The following DCDC2 variants were observed in gnomAD, a reference collection of about 807,000 sequenced individuals.
The protein encoded by DCDC2 is doublecortin domain containing 2, also known as doublecortin domain-containing protein 2.
Under a neutral mutation model 50.2 loss-of-function variants are expected in DCDC2, and 40 were observed. The observed-to-expected ratio is 0.80, with a 90% CI of 0.62 to 1.04. DCDC2 has a LOEUF of 1.04. Ranked by LOEUF, DCDC2 falls within the 50% of genes least tolerant of loss-of-function variation. The probability of loss-of-function intolerance (pLI) is 0.00; values close to 1 mark genes in which losing one functional copy is unlikely to be tolerated. For missense variants in DCDC2, 570 were observed against 581.9 expected (o/e 0.98, Z 0.21); for synonymous variants, 234 against 210.6 (o/e 1.11, Z -0.96).
At chr6:24,354,699 C>G (rs1581667943) in intron 1 of DCDC2, among the ~76,000 whole-genome samples, 1 of 151,994 alleles carries the variant, frequency 6.6e-6, no homozygotes, top group Non-Finnish European at 1.5e-5. Flanking sequence ...TTCAGATCCA[C>G]AAGATTAATG....
At chr6:24,236,680 A>G (rs1451852132) in intron 7 of DCDC2, among the ~76,000 whole-genome samples, 1 of 152,156 alleles carries the variant, frequency 6.6e-6, no homozygotes, top group Non-Finnish European at 1.5e-5. Flanking sequence ...AAGGAACTTA[A>G]ATCAACAAGA....
chr6:24,208,748 C>T lies in DCDC2; in HGVS notation c.923-3646G>A, dbSNP rs1002377606. The stretch of plus-strand genomic sequence containing the variant: ...CTTTAATCAATTTCTTTTACCAATT[C>T]TGCCCCCTTCCCTGCTAGACCACAA... On this transcript the variant is annotated intron_variant, in intron 7 of 9. Transcript: ENST00000378454. Among the ~76,000 whole-genome samples the T allele has an allele frequency of 6.6e-5, 10 of 152,300 alleles. No individual in the cohort carries two copies. In the South Asian group the frequency reaches 8.3e-4, roughly 13 times the overall value.
At chr6:24,288,747 A>C in intron 6 of DCDC2, 105 bp downstream of exon 6, 1 of 982,816 alleles carries the variant, frequency 1.0e-6, no homozygotes, top group South Asian at 1.4e-5. Flanking sequence ...TACACCACGA[A>C]GCGGCTAAGT....
rs145258935 is a variant in DCDC2 at position 24,257,958 on chromosome 6, T to C, written c.922+20091A>G. Among the ~76,000 whole-genome samples the C allele has an allele frequency of 3.5e-4, 53 of 152,150 alleles. 1 individual carries two copies. Among genetic ancestry groups the C allele is most frequent in the Middle Eastern group, 3.4e-3 (1 of 294 alleles). ...CTGATTGAGTGTGAAGAATGAGGCA[T>C]GGAAAAATCTAGGATGACTCTAAAG... On this transcript the variant is annotated intron_variant, in intron 7 of 9. Coordinates refer to ENST00000378454, the MANE Select transcript of DCDC2 (RefSeq NM_016356.5).
intron 2 of DCDC2, among the ~76,000 whole-genome samples, chr6:24,352,135 G>A (rs793722): frequency 0.56 from 85,404 of 151,952 alleles, 25,806 homozygotes; most frequent in East Asian, 0.8. Context: ...AAGTATATTC[G>A]ATAAATCTAT....
intron 7 of DCDC2, among the ~76,000 whole-genome samples, chr6:24,248,016 C>G (rs568715907): frequency 2.1e-4 from 32 of 152,276 alleles, no homozygotes; most frequent in East Asian, 5.8e-4. Flanking sequence ...GCAGAAGTTG[C>G]AGTGAGCCAA....
intron 2 of DCDC2, among the ~76,000 whole-genome samples, chr6:24,312,709 T>C (rs1700703627): frequency 1.3e-5 from 2 of 152,184 alleles, no homozygotes; most frequent in South Asian, 4.1e-4. Context: ...CTTATTCAGA[T>C]GGCTATTTTC....
At chr6:24,352,412 A>G (rs146354158) in intron 2 of DCDC2, among the ~76,000 whole-genome samples, 11 of 152,284 alleles carry the variant, frequency 7.2e-5, no homozygotes, top group South Asian at 4.1e-4. Context: ...GTCATTCTTT[A>G]GCTATATCAT....
intron 6 of DCDC2, among the ~76,000 whole-genome samples, chr6:24,286,244 T>C (rs1763606967): frequency 6.6e-6 from 1 of 152,110 alleles, no homozygotes; most frequent in Non-Finnish European, 1.5e-5. Flanking sequence ...GGTGATGAAG[T>C]ACCACAGTGA....
In DCDC2 at chr6:24,224,109, C is replaced by T. The variant is rs74813275; in HGVS notation, c.923-19007G>A. On this transcript the variant is annotated intron_variant, in intron 7 of 9. Coordinates refer to ENST00000378454, the MANE Select transcript of DCDC2 (RefSeq NM_016356.5). ...AGATTCAGGAAAGTTTTCTCCCTGA[C>T]AGTCAGAGGTGGTGTAAAACTGGCA... Among the ~76,000 whole-genome samples, 563 of 152,284 alleles carry T rather than the reference C, an allele frequency of 3.7e-3. 2 individuals are homozygous for T. The highest frequency in any genetic ancestry group is 0.01 in the Middle Eastern group (3 of 294).
At chr6:24,272,815 A>G (rs987690962) in intron 7 of DCDC2, among the ~76,000 whole-genome samples, 4 of 152,222 alleles carry the variant, frequency 2.6e-5, no homozygotes, top group Non-Finnish European at 4.4e-5. Flanking sequence ...CAGATTCCTC[A>G]AAGACTGAAA....
At chr6:24,188,780 G>A (rs1419187726) in intron 8 of DCDC2, among the ~76,000 whole-genome samples, 2 of 151,898 alleles carry the variant, frequency 1.3e-5, no homozygotes, top group Non-Finnish European at 2.9e-5. Flanking sequence ...GCAAAAAAGG[G>A]TATTCATTAT....
intron 2 of DCDC2, among the ~76,000 whole-genome samples, chr6:24,338,683 T>G (rs372844432): frequency 6.6e-6 from 1 of 152,190 alleles, no homozygotes; most frequent in Non-Finnish European, 1.5e-5. Context: ...TCACTCCTGT[T>G]GCCCAGGCTA....
At chr6:24,300,989 T>C (rs1759358532) in intron 4 of DCDC2, among the ~76,000 whole-genome samples, 2 of 151,998 alleles carry the variant, frequency 1.3e-5, no homozygotes, top group South Asian at 4.1e-4. Context: ...TAATACTTCC[T>C]GATATCTGAT....
At chr6:24,260,316 G>T (rs1363536277) in intron 7 of DCDC2, among the ~76,000 whole-genome samples, 1 of 152,134 alleles carries the variant, frequency 6.6e-6, no homozygotes, top group Non-Finnish European at 1.5e-5. Context: ...TGGTACTAAA[G>T]TTCCTCATCT....
intron 7 of DCDC2, among the ~76,000 whole-genome samples, chr6:24,228,430 T>C (rs928111468): frequency 6.6e-6 from 1 of 152,220 alleles, no homozygotes; most frequent in African/African-American, 2.4e-5. Flanking sequence ...GTGAATTATT[T>C]TGAGTTTTTT....
At chr6:24,247,711 G>T (rs1581609972) in intron 7 of DCDC2, among the ~76,000 whole-genome samples, 2 of 152,316 alleles carry the variant, frequency 1.3e-5, no homozygotes, top group East Asian at 3.9e-4. Flanking sequence ...TGGAATATGG[G>T]TATAGCAACA....
chr6:24,248,518 A>G (rs1762733155), intron 7 of DCDC2, among the ~76,000 whole-genome samples: 1 of 152,342 alleles, frequency 6.6e-6, no homozygotes, highest in Middle Eastern at 3.4e-3. Flanking sequence ...TGGTAGTATT[A>G]GTATTAGTAT....
chr6:24,373,072 A>C, the DCDC2 span, among the ~76,000 whole-genome samples: 1 of 152,250 alleles, frequency 6.6e-6, no homozygotes, highest in South Asian at 2.1e-4. Flanking sequence ...AGGATTGACA[A>C]AAATTAAGAA....
Sources: allele counts gnomAD v4.1 joint callset (sites outside exome capture counted in the v4.1 genomes callset), GRCh38; gene constraint gnomAD v4.1.1; transcripts MANE v1.5; gene names NCBI Gene and HGNC (gene_info 2026-07-23, HGNC 2026-07-21).